Variants in GARNL3 observed in about 807,000 individuals in gnomAD.
GARNL3 encodes the protein GTPase-activating Rap/Ran-GAP domain-like protein 3.
A neutral mutation model predicts 125.0 loss-of-function variants in GARNL3; 63 were observed. That is an observed-to-expected ratio of 0.50 (90% CI 0.41 to 0.62). The LOEUF (loss-of-function observed/expected upper bound fraction) is 0.62, where lower values mean the gene tolerates loss of function less well. GARNL3 is among the 20% of genes least tolerant of loss of function. The pLI is 0.00. For missense variants in GARNL3, 994 were observed against 1,244.0 expected (o/e 0.80, Z 3.02); for synonymous variants, 439 against 457.5 (o/e 0.96, Z 0.52).
intron 14 of GARNL3, among the ~76,000 whole-genome samples, chr9:127,342,815 C>A (rs1829933559): frequency 6.6e-6 from 1 of 151,772 alleles, no homozygotes; most frequent in Non-Finnish European, 1.5e-5. Flanking sequence ...GACCCAGACA[C>A]TTCGTAGGCC....
At chr9:127,349,215 T>C (rs1588906127) in intron 17 of GARNL3, among the ~76,000 whole-genome samples, 180 bp downstream of exon 17, 1 of 152,118 alleles carries the variant, frequency 6.6e-6, no homozygotes, top group East Asian at 1.9e-4. Flanking sequence ...GGAAATATAC[T>C]CTGAACCAAG....
At chr9:127,238,369 G>C (rs1012922179) in intron 1 of GARNL3, among the ~76,000 whole-genome samples, 14 of 152,252 alleles carry the variant, frequency 9.2e-5, no homozygotes, top group African/African-American at 3.4e-4. Flanking sequence ...CTTCCTTGTG[G>C]CCTTGAGGAG....
chr9:127,261,369 G>A (rs1412562674), upstream of GARNL3, among the ~76,000 whole-genome samples: 5 of 150,426 alleles, frequency 3.3e-5, no homozygotes, highest in Non-Finnish European at 7.4e-5. Flanking sequence ...TAAGGAAAGA[G>A]ACCAAGGATT....
intron 2 of GARNL3, among the ~76,000 whole-genome samples, chr9:127,307,417 G>A (rs539969038): frequency 6.6e-6 from 1 of 152,286 alleles, no homozygotes; most frequent in East Asian, 1.9e-4. Context: ...GCATCTCTTG[G>A]AGGCCCCAGA....
intron 22 of GARNL3, among the ~76,000 whole-genome samples, chr9:127,382,806 C>G (rs1442414316): frequency 6.6e-6 from 1 of 152,018 alleles, no homozygotes; most frequent in Non-Finnish European, 1.5e-5. Context: ...TGAGGTTCAC[C>G]AAGAGGATAC....
chr9:127,366,569 A>G (rs1444976793), intron 22 of GARNL3, among the ~76,000 whole-genome samples: 1 of 152,254 alleles, frequency 6.6e-6, no homozygotes, highest in Non-Finnish European at 1.5e-5. Context: ...AGACATCTAT[A>G]GAATAACTTG....
intron 22 of GARNL3, among the ~76,000 whole-genome samples, chr9:127,381,157 C>T (rs1287816053): frequency 6.6e-6 from 1 of 152,104 alleles, no homozygotes; most frequent in Admixed American, 6.5e-5. Flanking sequence ...GGATTACAGG[C>T]GAGAGCCACT....
chr9:127,295,241 C>T (rs1184891278), intron 2 of GARNL3, among the ~76,000 whole-genome samples: 1 of 152,214 alleles, frequency 6.6e-6, no homozygotes, highest in African/African-American at 2.4e-5. Context: ...GTAAAGGTTT[C>T]TTGTACACCT....
intron 6 of GARNL3, among the ~76,000 whole-genome samples, chr9:127,322,642 A>G (rs976761563): frequency 6.6e-6 from 1 of 152,158 alleles, no homozygotes; most frequent in African/African-American, 2.4e-5. Context: ...GGCTGTCATC[A>G]CATTTCTGTA....
intron 2 of GARNL3, among the ~76,000 whole-genome samples, chr9:127,291,669 G>A (rs565465742): frequency 5.3e-5 from 8 of 149,790 alleles, no homozygotes; most frequent in African/African-American, 1.5e-4. Flanking sequence ...CTTGGGCCAC[G>A]CCTACTTTCT....
At chr9:127,311,996 A>C (rs1009797388) in intron 3 of GARNL3, among the ~76,000 whole-genome samples, 15 of 152,166 alleles carry the variant, frequency 9.9e-5, no homozygotes, top group African/African-American at 3.6e-4. Flanking sequence ...TCATCTGAAA[A>C]AGTGATTTGA....
At chr9:127,265,826 T>A (rs2063692758) in intron 1 of GARNL3, among the ~76,000 whole-genome samples, 1 of 152,218 alleles carries the variant, frequency 6.6e-6, no homozygotes, top group African/African-American at 2.4e-5. Flanking sequence ...CCCCTATTAA[T>A]ATAAGCTGCA....
In GARNL3 at chr9:127,365,354, T is replaced by C; in HGVS notation, c.2149T>C (p.Leu717=). The change falls in exon 22 of 28, where the codon TTG becomes CTG. Residue 717 remains leucine (L), a synonymous_variant. Transcript: ENST00000373387. ...CGAAGATGGAGAAGCTGGTTTGCTG[T>C]TGTGTTACAACTGTAAGTTAAGGAT... is the stretch of plus-strand genomic sequence containing the variant. The part of the protein sequence containing the change: ...VYEDGEAGLL[L]CYNYSCIYKK... The C allele has an allele frequency of 6.2e-7, 1 of 1,613,422 alleles. No individual in the cohort carries two copies. Among genetic ancestry groups the C allele is most frequent in the Non-Finnish European group, 8.5e-7 (1 of 1,179,326 alleles).
chr9:127,289,892 G>A (rs1432010405), intron 1 of GARNL3, among the ~76,000 whole-genome samples: 1 of 152,294 alleles, frequency 6.6e-6, no homozygotes, highest in South Asian at 2.1e-4. Context: ...AAATTATTTT[G>A]CAGGAGAAAG....
chr9:127,303,259 T>C (rs760731059), intron 2 of GARNL3, among the ~76,000 whole-genome samples: 2 of 152,228 alleles, frequency 1.3e-5, no homozygotes, highest in Non-Finnish European at 2.9e-5. Context: ...ACAAATTATG[T>C]ATATGTATAT....
chr9:127,270,208 A>C (rs1010206957), intron 1 of GARNL3, among the ~76,000 whole-genome samples: 5 of 152,086 alleles, frequency 3.3e-5, no homozygotes, highest in African/African-American at 1.2e-4. Flanking sequence ...ATGGCCTGGT[A>C]CCCTTGTCAG....
At chr9:127,295,705 C>G (rs748422828) in intron 2 of GARNL3, among the ~76,000 whole-genome samples, 1 of 152,088 alleles carries the variant, frequency 6.6e-6, no homozygotes, top group South Asian at 2.1e-4. Context: ...CCTAAAATCA[C>G]TCACAGAATT....
At chr9:127,225,194 G>C (rs2062882901) in intron 1 of GARNL3, 1 of 202,016 alleles carries the variant, frequency 5.0e-6, no homozygotes, top group Admixed American at 6.6e-5. Context: ...GCCGGGGCGG[G>C]GCCTGGGCCC....
At chr9:127,295,701 A>T (rs1041224417) in intron 2 of GARNL3, among the ~76,000 whole-genome samples, 1 of 151,792 alleles carries the variant, frequency 6.6e-6, no homozygotes, top group African/African-American at 2.4e-5. Context: ...ACTCCCTAAA[A>T]TCACTCACAG....
Sources: gnomAD v4.1 joint callset for allele counts (sites outside exome capture counted in the v4.1 genomes callset) on GRCh38, gnomAD v4.1.1 for gene constraint, MANE v1.5 for transcripts, NCBI Gene and HGNC (gene_info 2026-07-23, HGNC 2026-07-21) for gene names.